SHROOM2: variants seen among roughly 807,000 people sequenced by gnomAD.
The protein encoded by SHROOM2 is protein Shroom2.
Under a neutral mutation model 75.9 loss-of-function variants are expected in SHROOM2, and 33 were observed. That is an observed-to-expected ratio of 0.43 (90% CI 0.33 to 0.58). The LOEUF is 0.58. Among genes scored for constraint, SHROOM2 ranks in the 20% least tolerant of loss-of-function variants. SHROOM2 has a pLI of 0.04. For missense variants in SHROOM2, 1,434 were observed against 1,461.2 expected (o/e 0.98, Z 0.30); for synonymous variants, 655 against 663.6 (o/e 0.99, Z 0.20).
In SHROOM2 at chrX:9,895,911, G is replaced by A. The variant is rs772957527; in HGVS notation, c.2003G>A (p.Gly668Glu). 131 of 1,196,854 alleles carry A rather than the reference G, an allele frequency of 1.1e-4. 2 individuals carry two copies. The South Asian group carries it at 2.3e-3, about 21-fold the overall frequency. ...ACCGGCCGCTGGAGGGCCGGGTTGG[G>A]AGGTGGCACCCAGGAAGGACCCCTC... The part of the protein sequence containing the change: ...DGTGRWRAGL[G>E]GGTQEGPLAG... The change falls in exon 4 of 10, where the codon GGA becomes GAA. Residue 668 changes from glycine (G) to glutamate (E), a missense_variant. Gly to Glu is a moderately conservative substitution (Grantham distance 98). Transcript: ENST00000380913.
rs760009325 is a variant in SHROOM2, at chrX:9,946,511, C to T, written c.4585-160C>T. Among the ~76,000 whole-genome samples the T allele has an allele frequency of 4.4e-5, 5 of 112,380 alleles. No individual in the cohort carries two copies. In the South Asian group the frequency reaches 1.8e-3, roughly 41 times the overall value. On this transcript the variant is annotated intron_variant, in intron 9 of 9. Transcript: ENST00000380913. ...GAGACACATGCCCCCAGGCCCTGGG[C>T]CCTGGGTTTGTCTGTGTGGACCCCA...
intron 1 of SHROOM2, among the ~76,000 whole-genome samples, chrX:9,827,995 G>T (rs914894970): frequency 8.9e-6 from 1 of 112,282 alleles, no homozygotes; most frequent in African/African-American, 3.2e-5. Context: ...CCCTTTAAGG[G>T]CAGGGTTTCA....
At chrX:9,832,959 C>G (rs1249037686) in intron 1 of SHROOM2, among the ~76,000 whole-genome samples, 2 of 111,446 alleles carry the variant, frequency 1.8e-5, no homozygotes, top group Non-Finnish European at 3.8e-5. Flanking sequence ...TGGCCACATG[C>G]AAAGGTTTTC....
At chrX:9,929,938 G>A (rs908565792) in intron 5 of SHROOM2, among the ~76,000 whole-genome samples, 8 of 110,932 alleles carry the variant, frequency 7.2e-5, no homozygotes, top group Non-Finnish European at 1.1e-4. Flanking sequence ...TGCTTCCTCC[G>A]TTTTCTCTTG....
At chrX:9,874,321 G>A (rs2084186743) in intron 2 of SHROOM2, among the ~76,000 whole-genome samples, 1 of 112,008 alleles carries the variant, frequency 8.9e-6, no homozygotes, top group African/African-American at 3.3e-5. Context: ...GTTAGAAAGT[G>A]AACTTGGGGA....
chrX:9,924,321 A>G lies in SHROOM2; in HGVS notation c.2892-7854A>G, dbSNP rs756895945. Among the ~76,000 whole-genome samples the G allele has an allele frequency of 3.1e-4, 35 of 112,566 alleles. 1 individual carries two copies. In the South Asian group the frequency reaches 0.013, roughly 41 times the overall value. On this transcript the variant is annotated intron_variant, in intron 5 of 9. Coordinates refer to ENST00000380913, the MANE Select transcript of SHROOM2 (RefSeq NM_001649.4). ...CAACCAAACAGCCTCTAGCCTGCTG[A>G]TGCTCACAGTCTGGAAAGTCCTATG...
At chrX:9,835,857 G>A (rs1281482105) in intron 1 of SHROOM2, among the ~76,000 whole-genome samples, 1 of 111,552 alleles carries the variant, frequency 9.0e-6, no homozygotes, top group Non-Finnish European at 1.9e-5. Context: ...CTCATCACTG[G>A]AGTAGTTGTG....
intron 5 of SHROOM2, among the ~76,000 whole-genome samples, chrX:9,907,172 G>T (rs972448072): frequency 9.0e-6 from 1 of 111,518 alleles, no homozygotes; most frequent in Non-Finnish European, 1.9e-5. Flanking sequence ...TCTGAGTCAG[G>T]TATGTGGATG....
chrX:9,833,608 C>CTGTGTGTGTA (rs1428953097), intron 1 of SHROOM2, among the ~76,000 whole-genome samples: 6 of 95,358 alleles, frequency 6.3e-5, no homozygotes, highest in Non-Finnish European at 1.2e-4. Flanking sequence ...CAAGTAGACT[C>CTGTGTGTGTA]TGTGTGTGTG....
intron 1 of SHROOM2, among the ~76,000 whole-genome samples, chrX:9,846,163 A>G (rs1429842814): frequency 9.1e-6 from 1 of 109,884 alleles, no homozygotes; most frequent in Non-Finnish European, 1.9e-5. Flanking sequence ...TCTGTTGCCC[A>G]GGCTGGAGTA....
chrX:9,928,429 A>G (rs1198479749), intron 5 of SHROOM2, among the ~76,000 whole-genome samples: 1 of 112,867 alleles, frequency 8.9e-6, no homozygotes, highest in African/African-American at 3.2e-5. Flanking sequence ...CGAAGACACA[A>G]AGTCTTAAGT....
At chrX:9,855,029 T>C (rs2084059798) in intron 1 of SHROOM2, among the ~76,000 whole-genome samples, 1 of 108,703 alleles carries the variant, frequency 9.2e-6, no homozygotes, top group Non-Finnish European at 1.9e-5. Context: ...TTTTAAACTT[T>C]GTTACTTTAA....
chrX:9,802,959 T>G (rs2083732022), intron 1 of SHROOM2, among the ~76,000 whole-genome samples: 4 of 103,299 alleles, frequency 3.9e-5, no homozygotes, highest in Admixed American at 3.1e-4. Flanking sequence ...AACAGCATCT[T>G]GCTGTGTCAC....
intron 1 of SHROOM2, among the ~76,000 whole-genome samples, chrX:9,854,899 C>T (rs1296226119): frequency 9.0e-6 from 1 of 111,073 alleles, no homozygotes; most frequent in Non-Finnish European, 1.9e-5. Flanking sequence ...GTAATCTTAG[C>T]ATGTCTCATG....
At chrX:9,884,779 G>A (rs751110087) in intron 2 of SHROOM2, among the ~76,000 whole-genome samples, 1 of 111,471 alleles carries the variant, frequency 9.0e-6, no homozygotes, top group Non-Finnish European at 1.9e-5. Flanking sequence ...CCATGGGGAA[G>A]GGATTTCAGG....
chrX:9,877,159 T>C (rs142470335), intron 2 of SHROOM2, among the ~76,000 whole-genome samples: 1,774 of 111,995 alleles, frequency 0.016, 37 homozygotes, highest in African/African-American at 0.055. Context: ...ATGGGCAACG[T>C]GGACCTTGTG....
chrX:9,914,143 G>A (rs1266577782), intron 5 of SHROOM2, among the ~76,000 whole-genome samples: 1 of 96,013 alleles, frequency 1.0e-5, no homozygotes, highest in African/African-American at 3.8e-5. Flanking sequence ...AATTGCAGGG[G>A]AATTCTCATC....
intron 8 of SHROOM2, among the ~76,000 whole-genome samples, chrX:9,941,764 G>A (rs1209411905): frequency 9.1e-6 from 1 of 109,337 alleles, no homozygotes; most frequent in Non-Finnish European, 1.9e-5. Flanking sequence ...GAGGTCAGCA[G>A]ATCGAGGCCA....
intron 5 of SHROOM2, among the ~76,000 whole-genome samples, chrX:9,914,395 T>A (rs1428504432): frequency 9.1e-6 from 1 of 109,768 alleles, no homozygotes; most frequent in South Asian, 3.9e-4. Flanking sequence ...TTGGAATACA[T>A]TTACTTTACA....
Sources: gnomAD v4.1 joint callset for allele counts (sites outside exome capture counted in the v4.1 genomes callset) on GRCh38, gnomAD v4.1.1 for gene constraint, MANE v1.5 for transcripts, NCBI Gene and HGNC (gene_info 2026-07-23, HGNC 2026-07-21) for gene names.